Variants in SLC47A2 observed in about 807,000 individuals in gnomAD.
SLC47A2 encodes solute carrier family 47 member 2.
A neutral mutation model predicts 67.7 loss-of-function variants in SLC47A2; 52 were observed. The observed-to-expected ratio is 0.77, with a 90% confidence interval of 0.61 to 0.97. The LOEUF (loss-of-function observed/expected upper bound fraction) is 0.97. SLC47A2 is among the 50% of genes least tolerant of loss of function. The pLI is 0.00. For synonymous variants in SLC47A2, 278 were observed against 292.9 expected (o/e 0.95, Z 0.52); for missense variants, 676 against 712.3 (o/e 0.95, Z 0.58).
rs1759956739 is a variant in SLC47A2 at position 19,708,593 on chromosome 17, G to A, written c.531+123C>T. 3 of 1,594,870 alleles carry A rather than the reference G, an allele frequency of 1.9e-6. No homozygotes were observed. In the African/African-American group the frequency reaches 4.0e-5, roughly 21 times the overall value. On this transcript the variant is annotated intron_variant, in intron 6 of 16. Coordinates refer to ENST00000433844, the MANE Select transcript of SLC47A2 (RefSeq NM_001099646.3). ...TCAGGATATGGCAGGTGGGTTGGAA[G>A]TGACCCCTTTCAAGAGCTGGTTCAC...
Position 19,716,562 on chromosome 17 carries a change from C to T in SLC47A2, c.-7G>A. On this transcript the variant is annotated 5_prime_UTR_variant, in exon 1 of 17. Transcript: ENST00000433844. ...TGTCCTGGAGGCTGTCCATTCCTGG[C>T]CGGGGCACTGGCTACCCTGCACGCC... 9 of 1,596,882 alleles carry T rather than the reference C, an allele frequency of 5.6e-6. No individual in the cohort carries two copies. Among genetic ancestry groups the T allele is most frequent in the Non-Finnish European group, 6.8e-6 (8 of 1,172,850 alleles).
chr17:19,711,588 C>CAAAAAAAAAAAAAAAA (rs35308426), intron 5 of SLC47A2, among the ~76,000 whole-genome samples: 15 of 33,004 alleles, frequency 4.5e-4, no homozygotes, highest in Admixed American at 1.3e-3. Context: ...AACTCCGTCT[C>CAAAAAAAAAAAAAAAA]AAAAAAAAAA....
rs768395205 is a variant in SLC47A2 at position 19,696,836 on chromosome 17, G to T, written c.1164+5769C>A. ...ATTTATTTGGCTCACGGTTCTGGAG[G>T]CTGGGAAGTCCCAGATCAAGTGACA... On this transcript the variant is annotated intron_variant, in intron 13 of 16. Transcript: ENST00000433844. Among the ~76,000 whole-genome samples the T allele has an allele frequency of 3.4e-4, 52 of 152,326 alleles. No individual in the cohort carries two copies. The Middle Eastern group carries it at 0.01, about 30-fold the overall frequency.
intron 10 of SLC47A2, among the ~76,000 whole-genome samples, chr17:19,704,427 C>A (rs1597622726): frequency 6.6e-6 from 1 of 152,264 alleles, no homozygotes; most frequent in African/African-American, 2.4e-5. Flanking sequence ...GCAGCACAGG[C>A]AGGCGGGCCT....
chr17:19,716,496 G>A lies in SLC47A2; in HGVS notation c.60C>T (p.Ser20=), dbSNP rs1390092101. 1.9e-6 allele frequency: 3 copies of A among 1,612,774 alleles called. No individual in the cohort carries two copies. The South Asian group carries it at 3.3e-5, about 18-fold the overall frequency. ...LDHGGCCPAL[S]RLVPRGFGTE... ...TCCCAAAGCCTCTGGGAACCAGCCTGCTGAGGGCAGGGCAGCAGCCCCCAT... is the reference window on the plus strand; with the variant it reads ...TCCCAAAGCCTCTGGGAACCAGCCTACTGAGGGCAGGGCAGCAGCCCCCAT... Residue 20 remains serine (S), a synonymous_variant, in exon 1 of 17, where the codon AGC becomes AGT. Coordinates refer to ENST00000433844, the MANE Select transcript of SLC47A2 (RefSeq NM_001099646.3).
chr17:19,706,134 T>A lies in SLC47A2; in HGVS notation c.841+514A>T, dbSNP rs930903943. Among the ~76,000 whole-genome samples, 2 of 152,122 alleles carry A rather than the reference T, an allele frequency of 1.3e-5. 1 individual carries two copies. ...CCCACTGATTTTCTATTTGTGGAGT[T>A]CCTGTGTTCTTGGGGCCCCGTTTTC... On this transcript the variant is annotated intron_variant, in intron 9 of 16. Transcript: ENST00000433844.
chr17:19,686,235 C>T (rs749189418), intron 13 of SLC47A2, among the ~76,000 whole-genome samples: 1 of 152,124 alleles, frequency 6.6e-6, no homozygotes, highest in African/African-American at 2.4e-5. Context: ...GCACTCCAGC[C>T]TGGGCTACAA....
At chr17:19,704,715 G>A (rs746835828) in intron 10 of SLC47A2, 4 of 1,548,030 alleles carry the variant, frequency 2.6e-6, no homozygotes, top group Non-Finnish European at 3.5e-6. Context: ...TAGAGGGGAG[G>A]TGGGGGCTGT....
At chr17:19,705,965 A>T (rs1197576291) in intron 9 of SLC47A2, among the ~76,000 whole-genome samples, 1 of 152,136 alleles carries the variant, frequency 6.6e-6, no homozygotes, top group Non-Finnish European at 1.5e-5. Flanking sequence ...TCAGCCTGTT[A>T]GGAAAATTCT....
Position 19,680,059 on chromosome 17 carries a change from A to G in SLC47A2, c.1393-20T>C, listed in dbSNP as rs1335810811. 5.6e-6 allele frequency: 9 copies of G among 1,611,518 alleles called. No individual in the cohort carries two copies. Among genetic ancestry groups the G allele is most frequent in the South Asian group, 5.5e-5 (5 of 90,534 alleles). On this transcript the variant is annotated intron_variant, in intron 15 of 16. Coordinates refer to ENST00000433844, the MANE Select transcript of SLC47A2 (RefSeq NM_001099646.3). ...CTTAGCCTAAAGGAGAAAGAACTCA[A>G]TTGGGTCAACCTGCCAGCTCAACAG...
chr17:19,708,620 G>A (rs923307477), intron 6 of SLC47A2, 96 bp downstream of exon 6: 53 of 1,594,828 alleles, frequency 3.3e-5, no homozygotes, highest in Non-Finnish European at 4.4e-5. Context: ...CTGGTTCACA[G>A]ATGGTGGAGA....
chr17:19,711,485 G>C (rs374557899), intron 5 of SLC47A2, among the ~76,000 whole-genome samples: 2 of 150,674 alleles, frequency 1.3e-5, no homozygotes, highest in Non-Finnish European at 3.0e-5. Flanking sequence ...CCAGCTACTC[G>C]GGAGGCTGAG....
intron 15 of SLC47A2, 88 bp downstream of exon 15, chr17:19,681,279 G>GC (rs953735823): frequency 3.7e-6 from 4 of 1,093,466 alleles, no homozygotes; most frequent in Non-Finnish European, 5.3e-6. Flanking sequence ...GTTCTGATGT[G>GC]CTCTGGGCAT....
chr17:19,708,208 C>T, intron 7 of SLC47A2, 94 bp downstream of exon 7: 1 of 1,422,720 alleles, frequency 7.0e-7, no homozygotes, highest in Non-Finnish European at 9.7e-7. Context: ...ACGGCACAGG[C>T]AGGGCCAGGA....
At chr17:19,703,484 C>T (rs1307296066) in intron 11 of SLC47A2, among the ~76,000 whole-genome samples, 3 of 152,254 alleles carry the variant, frequency 2.0e-5, no homozygotes, top group African/African-American at 7.2e-5. Context: ...ACCTGCTGAA[C>T]CAAAGCCTGC....
intron 5 of SLC47A2, among the ~76,000 whole-genome samples, chr17:19,709,674 G>A (rs2086044153): frequency 3.3e-5 from 5 of 152,024 alleles, no homozygotes. Context: ...ATGATATATG[G>A]GACATTTAAG....
intron 5 of SLC47A2, among the ~76,000 whole-genome samples, chr17:19,709,164 C>T (rs2086029385): frequency 6.6e-6 from 1 of 152,238 alleles, no homozygotes; most frequent in Non-Finnish European, 1.5e-5. Context: ...GCCTTAGAGA[C>T]AGGATTTGAA....
rs2086165791 is a variant in SLC47A2 at position 19,713,691 on chromosome 17, C to T, written c.443+134G>A. 4 of 1,246,058 alleles carry T rather than the reference C, an allele frequency of 3.2e-6. No individual in the cohort carries two copies. The Admixed American group carries it at 1.0e-4, about 32-fold the overall frequency. 77.2% of individuals were successfully genotyped at this position (1,246,058 alleles called of 1,614,324 possible). ...CCCCAAACCAAAGCCTGGAAGGTACCCACAGGCACCGTGCACTGTGAGCAC... is the reference window on the plus strand; with the variant it reads ...CCCCAAACCAAAGCCTGGAAGGTACTCACAGGCACCGTGCACTGTGAGCAC... On this transcript the variant is annotated intron_variant, in intron 4 of 16. Coordinates refer to ENST00000433844, the MANE Select transcript of SLC47A2 (RefSeq NM_001099646.3).
At chr17:19,710,816 C>T (rs1597637489) in intron 5 of SLC47A2, among the ~76,000 whole-genome samples, 1 of 140,000 alleles carries the variant, frequency 7.1e-6, no homozygotes. Context: ...ATTCACAAAT[C>T]TTTTTTTTTT....
Sources: allele counts gnomAD v4.1 joint callset (sites outside exome capture counted in the v4.1 genomes callset), GRCh38; gene constraint gnomAD v4.1.1; transcripts MANE v1.5; gene names NCBI Gene and HGNC (gene_info 2026-07-23, HGNC 2026-07-21).